Variants in TSHZ1 observed in about 807,000 individuals in gnomAD.
TSHZ1 encodes teashirt zinc finger homeobox 1.
A neutral mutation model predicts 67.1 loss-of-function variants in TSHZ1; 12 were observed. The ratio of observed to expected loss-of-function variants is 0.18; its 90% CI spans 0.11 to 0.29. The LOEUF (loss-of-function observed/expected upper bound fraction) is 0.29, where lower values mean the gene tolerates loss of function less well. TSHZ1 is among the 10% of genes least tolerant of loss of function. TSHZ1 has a pLI of 1.00. For missense variants in TSHZ1, 1,305 were observed against 1,413.9 expected, an observed-to-expected ratio of 0.92 and a Z score of 1.23; for synonymous variants, 632 against 622.4, an observed-to-expected ratio of 1.02 and a Z score of -0.23.
intron 1 of TSHZ1, among the ~76,000 whole-genome samples, chr18:75,220,585 A>G (rs1443353219): frequency 1.3e-5 from 2 of 152,240 alleles, no homozygotes; most frequent in Non-Finnish European, 2.9e-5. Flanking sequence ...TAAACTGTTT[A>G]TAGATTCCAT....
At chr18:75,264,964 C>G (rs2023472999) in intron 1 of TSHZ1, among the ~76,000 whole-genome samples, 2 of 152,120 alleles carry the variant, frequency 1.3e-5, no homozygotes, top group Admixed American at 6.6e-5. Flanking sequence ...GAGTTCAGCA[C>G]AAAACAAGTG....
At chr18:75,221,684 G>C (rs990481769) in intron 1 of TSHZ1, among the ~76,000 whole-genome samples, 12 of 152,192 alleles carry the variant, frequency 7.9e-5, no homozygotes, top group Non-Finnish European at 1.6e-4. Context: ...TATTAATGCA[G>C]TAAACTGTGT....
chr18:75,261,482 G>A (rs1397072674), intron 1 of TSHZ1, among the ~76,000 whole-genome samples: 6 of 152,192 alleles, frequency 3.9e-5, no homozygotes, highest in South Asian at 2.1e-4. Context: ...TGGATGAGAC[G>A]ACCAGAGGTG....
At chr18:75,280,382 A>T (rs1303316289) in intron 1 of TSHZ1, among the ~76,000 whole-genome samples, 1 of 152,230 alleles carries the variant, frequency 6.6e-6, no homozygotes, top group Non-Finnish European at 1.5e-5. Context: ...TTTCTTTGAG[A>T]TTCTCTCATT....
At chr18:75,248,421 C>T (rs2023250557) in intron 1 of TSHZ1, among the ~76,000 whole-genome samples, 1 of 152,348 alleles carries the variant, frequency 6.6e-6, no homozygotes, top group East Asian at 1.9e-4. Context: ...TTCCTTCACG[C>T]TCACCTTCGT....
chr18:75,219,610 A>T (rs967356172), intron 1 of TSHZ1, among the ~76,000 whole-genome samples: 1 of 152,314 alleles, frequency 6.6e-6, no homozygotes, highest in East Asian at 1.9e-4. Context: ...TTTGCTACAG[A>T]CTTAGATTAA....
intron 1 of TSHZ1, among the ~76,000 whole-genome samples, chr18:75,223,692 C>T (rs1202984458): frequency 1.3e-5 from 2 of 152,028 alleles, no homozygotes; most frequent in Non-Finnish European, 2.9e-5. Flanking sequence ...TTTCCCACCT[C>T]CTCACTCGAG....
chr18:75,236,316 T>G (rs1394837124), intron 1 of TSHZ1, among the ~76,000 whole-genome samples: 1 of 152,142 alleles, frequency 6.6e-6, no homozygotes, highest in Admixed American at 6.5e-5. Flanking sequence ...CAGGTTCCCC[T>G]TTCTTTAAAT....
intron 1 of TSHZ1, among the ~76,000 whole-genome samples, chr18:75,277,321 A>G (rs1297259221): frequency 6.6e-6 from 1 of 152,202 alleles, no homozygotes; most frequent in Non-Finnish European, 1.5e-5. Context: ...AGGTTCCCAT[A>G]GCCACAGGAC....
chr18:75,232,380 A>G (rs2023011446), intron 1 of TSHZ1, among the ~76,000 whole-genome samples: 1 of 152,216 alleles, frequency 6.6e-6, no homozygotes, highest in Non-Finnish European at 1.5e-5. Context: ...TACATTTGAT[A>G]GTTTCAATGG....
chr18:75,214,456 G>A (rs966863683), intron 1 of TSHZ1, among the ~76,000 whole-genome samples: 8 of 152,156 alleles, frequency 5.3e-5, no homozygotes, highest in African/African-American at 1.7e-4. Context: ...AAAGAAAGAG[G>A]GCAATGATAT....
At chr18:75,268,090 C>T (rs1002941035) in intron 1 of TSHZ1, among the ~76,000 whole-genome samples, 3 of 152,138 alleles carry the variant, frequency 2.0e-5, no homozygotes, top group Non-Finnish European at 2.9e-5. Context: ...GGAAACTTAA[C>T]AGTTTGCATT....
At chr18:75,236,038 C>T (rs1199020691) in intron 1 of TSHZ1, among the ~76,000 whole-genome samples, 1 of 151,984 alleles carries the variant, frequency 6.6e-6, no homozygotes, top group East Asian at 1.9e-4. Flanking sequence ...TGATAGGAAG[C>T]TTGCGTGATA....
intron 1 of TSHZ1, among the ~76,000 whole-genome samples, chr18:75,233,717 C>T (rs889346067): frequency 6.6e-5 from 10 of 152,046 alleles, no homozygotes; most frequent in Admixed American, 2.6e-4. Context: ...TCCTAGTGGC[C>T]TTCCTTTTTG....
intron 1 of TSHZ1, among the ~76,000 whole-genome samples, chr18:75,212,226 C>A (rs2022706038): frequency 6.6e-6 from 1 of 152,246 alleles, no homozygotes; most frequent in East Asian, 1.9e-4. Context: ...AGGGGGCGTG[C>A]GCTGAGGGGA....
chr18:75,247,612 T>C (rs910251639), intron 1 of TSHZ1, among the ~76,000 whole-genome samples: 1 of 152,218 alleles, frequency 6.6e-6, no homozygotes, highest in African/African-American at 2.4e-5. Flanking sequence ...TTTTTAATGC[T>C]ATTGCAGTAA....
rs768654001 is a variant in TSHZ1, at chr18:75,286,722, G to A, written c.1315G>A (p.Gly439Arg). 31 of 1,613,768 alleles carry A rather than the reference G, an allele frequency of 1.9e-5. No individual in the cohort carries two copies. The East Asian group carries it at 2.0e-4, about 10-fold the overall frequency. The change falls in exon 2 of 2, where the codon GGG becomes AGG. Residue 439 changes from glycine to arginine, a missense_variant. Gly to Arg is a moderately radical substitution (Grantham distance 125, BLOSUM62 -2). Transcript: ENST00000580243. The surrounding 1 kb of genome is among the most constrained non-coding windows in gnomAD (Gnocchi z 5.1). Reference protein sequence around the residue: ...QQLTAHMMVTGHFLKVTTSAS... With the variant: ...QQLTAHMMVTRHFLKVTTSAS... ...GCTCACCGCCCACATGATGGTCACC[G>A]GGCACTTCCTGAAAGTGACCACCTC... is the stretch of plus-strand genomic sequence containing the variant.
Position 75,288,172 on chromosome 18 carries a change from G to A in TSHZ1, c.2765G>A (p.Gly922Asp). The A allele has an allele frequency of 6.2e-7, 1 of 1,614,162 alleles. No individual in the cohort carries two copies. Among genetic ancestry groups the A allele is most frequent in the Non-Finnish European group, 8.5e-7 (1 of 1,180,032 alleles). ...GGCAAGTACATCATGTCGGACTTGG[G>A]CCCGCAGGAGAGGGTGCACATCTCG... ...TEGKYIMSDL[G>D]PQERVHISKF... Residue 922 changes from glycine to aspartate, a missense_variant, in exon 2 of 2, where the codon GGC becomes GAC. Around this residue, in one of 3 missense-constraint regions of TSHZ1, gnomAD observed 909 missense variants for 961.8 expected, o/e 0.95. Coordinates refer to ENST00000580243, the MANE Select transcript of TSHZ1 (RefSeq NM_001308210.2). This position sits in a 1 kb window ranked among gnomAD's most constrained non-coding sequence, Gnocchi z 4.9.
intron 1 of TSHZ1, among the ~76,000 whole-genome samples, chr18:75,226,916 C>T (rs2022933854): frequency 6.6e-6 from 1 of 152,178 alleles, no homozygotes; most frequent in Admixed American, 6.5e-5. Context: ...TAACCCTCCC[C>T]ACCTCAGCCC....
Sources: allele counts gnomAD v4.1 joint callset (sites outside exome capture counted in the v4.1 genomes callset), GRCh38; gene constraint gnomAD v4.1.1; regional missense constraint gnomAD v4.1.1; non-coding constraint Gnocchi (gnomAD v3.1); transcripts MANE v1.5; gene names NCBI Gene and HGNC (gene_info 2026-07-23, HGNC 2026-07-21).